PEX5L: variants seen among roughly 807,000 people sequenced by gnomAD.
PEX5L encodes peroxisomal biogenesis factor 5 like.
Under a neutral mutation model 84.0 loss-of-function variants are expected in PEX5L, and 30 were observed. That is an observed-to-expected ratio of 0.36 (90% confidence interval 0.27 to 0.48). PEX5L has a LOEUF of 0.48. PEX5L is among the 20% of genes least tolerant of loss of function. The pLI, the probability that PEX5L is intolerant of heterozygous loss-of-function variation, is 0.99. For synonymous variants in PEX5L, 270 were observed against 283.1 expected (o/e 0.95, Z 0.46); for missense variants, 533 against 754.6 (o/e 0.71, Z 3.44).
intron 1 of PEX5L, among the ~76,000 whole-genome samples, chr3:179,998,313 C>G (rs996084636): frequency 6.6e-6 from 1 of 152,142 alleles, no homozygotes; most frequent in Non-Finnish European, 1.5e-5. Flanking sequence ...ATTAAGTAAC[C>G]CGAAAGTCTG....
intron 2 of PEX5L, among the ~76,000 whole-genome samples, chr3:179,929,078 T>C (rs553204644): frequency 6.6e-6 from 1 of 152,204 alleles, no homozygotes; most frequent in East Asian, 1.9e-4. Flanking sequence ...AATGACTTAT[T>C]CCATCAAGTC....
At chr3:179,985,662 C>A (rs1348663675) in intron 1 of PEX5L, among the ~76,000 whole-genome samples, 1 of 152,016 alleles carries the variant, frequency 6.6e-6, no homozygotes, top group Non-Finnish European at 1.5e-5. Flanking sequence ...AGCTTAAAAC[C>A]CCCTTTTCCC....
At chr3:179,913,242 C>T (rs1765806403) in intron 2 of PEX5L, among the ~76,000 whole-genome samples, 1 of 152,108 alleles carries the variant, frequency 6.6e-6, no homozygotes, top group Admixed American at 6.6e-5. Context: ...CAGAATGTTG[C>T]CACCAAGGTC....
chr3:179,874,713 TA>T (rs1445042081), intron 6 of PEX5L, among the ~76,000 whole-genome samples: 3 of 114,682 alleles, frequency 2.6e-5, no homozygotes, highest in Non-Finnish European at 5.5e-5. Flanking sequence ...TTCTGTTTCA[TA>T]AAAAAATTAT....
intron 2 of PEX5L, among the ~76,000 whole-genome samples, chr3:179,956,297 G>C (rs1780533644): frequency 6.6e-6 from 1 of 152,028 alleles, no homozygotes; most frequent in African/African-American, 2.4e-5. Context: ...ATCAGTTTAA[G>C]AGTTTTGCAT....
In PEX5L at chr3:179,798,189, A is replaced by G. The variant is rs1156933894; in HGVS notation, c.*3639T>C. Reference sequence around the variant, plus strand: ...ATGAGGAAAGTGGCATGAAACTCTAAAAGTGAGTTTGTGAAACGTAAGTGG... The same window carrying G: ...ATGAGGAAAGTGGCATGAAACTCTAGAAGTGAGTTTGTGAAACGTAAGTGG... On this transcript the variant is annotated 3_prime_UTR_variant, in exon 15 of 15. Transcript: ENST00000467460. 6.6e-6 allele frequency: 1 copy of G among 152,228 alleles called. No individual in the cohort carries two copies. Among genetic ancestry groups the G allele is most frequent in the Non-Finnish European group, 1.5e-5 (1 of 68,044 alleles). The allele number at this position is 152,228 out of a possible 1,614,324, so 9.4% of individuals were successfully genotyped here.
intron 2 of PEX5L, among the ~76,000 whole-genome samples, chr3:179,948,636 T>C (rs139505616): frequency 6.6e-6 from 1 of 152,326 alleles, no homozygotes; most frequent in African/African-American, 2.4e-5. Context: ...AAATTGTAAA[T>C]GATGCTATCA....
intron 1 of PEX5L, among the ~76,000 whole-genome samples, chr3:180,000,295 C>T (rs1024806748): frequency 1.3e-5 from 2 of 151,802 alleles, no homozygotes; most frequent in African/African-American, 4.8e-5. Flanking sequence ...ACTGACCAGG[C>T]TATCAAGATG....
At chr3:180,031,115 A>G (rs1791424206) in intron 1 of PEX5L, among the ~76,000 whole-genome samples, 1 of 151,714 alleles carries the variant, frequency 6.6e-6, no homozygotes, top group South Asian at 2.1e-4. Context: ...AAAAAATAGT[A>G]TATTTGTTAC....
At chr3:179,943,841 T>C (rs564890136) in intron 2 of PEX5L, among the ~76,000 whole-genome samples, 14 of 152,316 alleles carry the variant, frequency 9.2e-5, no homozygotes, top group African/African-American at 3.1e-4. Context: ...CCATCTCCTT[T>C]TTCCTTTCCA....
intron 2 of PEX5L, among the ~76,000 whole-genome samples, chr3:179,948,217 T>A (rs1176365738): frequency 1.3e-5 from 2 of 152,218 alleles, no homozygotes; most frequent in Non-Finnish European, 2.9e-5. Flanking sequence ...AGTTCACATT[T>A]TCATATTACA....
chr3:179,862,828 A>T (rs1746678661), intron 7 of PEX5L, among the ~76,000 whole-genome samples: 1 of 151,792 alleles, frequency 6.6e-6, no homozygotes, highest in Admixed American at 6.6e-5. Flanking sequence ...CCACAGAAAT[A>T]AAAAAAAATC....
Position 179,816,016 on chromosome 3 carries a change from A to G in PEX5L, c.940-12T>C. The G allele has an allele frequency of 1.2e-6, 2 of 1,612,662 alleles. No homozygotes were observed. The highest frequency in any genetic ancestry group is 4.5e-5 in the East Asian group (2 of 44,870). ...TGAAAGTAATATCCCTGCAACACAG[A>G]AAAAGGCCAGTGCATGAGCCATTGA... On this transcript the variant is annotated splice_polypyrimidine_tract_variant and intron_variant, in intron 9 of 14. Transcript: ENST00000467460.
intron 7 of PEX5L, 28 bp downstream of exon 7, chr3:179,874,299 G>A (rs1751391290): frequency 3.3e-6 from 4 of 1,226,756 alleles, no homozygotes; most frequent in South Asian, 1.2e-5. Flanking sequence ...AGGGAAAGAT[G>A]TGTTCATTGA....
intron 2 of PEX5L, among the ~76,000 whole-genome samples, chr3:179,920,905 C>T (rs776282289): frequency 3.7e-4 from 56 of 152,200 alleles, no homozygotes; most frequent in Admixed American, 7.9e-4. Context: ...ACAATGTATA[C>T]ACAGTATAAT....
Position 180,036,685 on chromosome 3 carries a change from G to T in PEX5L, c.-86C>A. The T allele has an allele frequency of 6.7e-7, 1 of 1,487,262 alleles. No homozygotes were observed. Among genetic ancestry groups the T allele is most frequent in the South Asian group, 1.1e-5 (1 of 88,494 alleles). 92.1% of individuals were successfully genotyped at this position (1,487,262 alleles called of 1,614,324 possible). A position where few individuals can be genotyped will look rare whatever the true frequency, so the allele number is the denominator to read the frequency against. On this transcript the variant is annotated 5_prime_UTR_variant, in exon 1 of 15. Transcript: ENST00000467460. ...TGCCCACCAAAAGAGGGGAAAAGGT[G>T]GGTGCACAGCGGGTTCTCAGAGGGT... is the stretch of plus-strand genomic sequence containing the variant.
At position 179,839,504 on chromosome 3, in the gene PEX5L, G is replaced by A. The variant is rs149488569; in HGVS notation, c.823-19528C>T. On this transcript the variant is annotated intron_variant, in intron 8 of 14. Coordinates refer to ENST00000467460, the MANE Select transcript of PEX5L (RefSeq NM_016559.3). Reference sequence around the variant, plus strand: ...ATAAGACAGAAATGTCCAATTGAGCGCTAGATTATTAAATCTTAACCAAAT... The same window carrying A: ...ATAAGACAGAAATGTCCAATTGAGCACTAGATTATTAAATCTTAACCAAAT... Among the ~76,000 whole-genome samples the A allele has an allele frequency of 4.6e-5, 7 of 152,238 alleles. No individual in the cohort carries two copies. The East Asian group carries it at 1.3e-3, about 29-fold the overall frequency.
At chr3:179,988,771 T>A (rs557447197) in intron 1 of PEX5L, among the ~76,000 whole-genome samples, 1 of 152,200 alleles carries the variant, frequency 6.6e-6, no homozygotes, top group Non-Finnish European at 1.5e-5. Context: ...TGAAGATACA[T>A]TTGTGGAGAC....
chr3:179,968,697 CTGTGTGTGTGTGTG>C (rs67094806), intron 2 of PEX5L, among the ~76,000 whole-genome samples: 1 of 143,994 alleles, frequency 6.9e-6, no homozygotes, highest in East Asian at 2.1e-4. Flanking sequence ...ATTTAAATGA[CTGTGTGTGTGTGTG>C]TGTGTGTGTG....
Sources: gnomAD v4.1 joint callset for allele counts (sites outside exome capture counted in the v4.1 genomes callset) on GRCh38, gnomAD v4.1.1 for gene constraint, MANE v1.5 for transcripts, NCBI Gene and HGNC (gene_info 2026-07-23, HGNC 2026-07-21) for gene names.